Variants in SEC63 observed in about 807,000 individuals in gnomAD.
The protein encoded by SEC63 is SEC63 protein translocation regulator, also known as translocation protein SEC63 homolog.
Under a neutral mutation model 116.2 loss-of-function variants are expected in SEC63, and 56 were observed. That is an observed-to-expected ratio of 0.48 (90% confidence interval 0.39 to 0.60). SEC63 has a LOEUF of 0.60. Among genes scored for constraint, SEC63 ranks in the 20% least tolerant of loss-of-function variants. SEC63 has a pLI of 0.00. For missense variants in SEC63, 668 were observed against 900.0 expected, an observed-to-expected ratio of 0.74 and a Z score of 3.30; for synonymous variants, 273 against 294.6, an observed-to-expected ratio of 0.93 and a Z score of 0.75.
At chr6:107,926,306 T>C (rs1787672983) in intron 2 of SEC63, among the ~76,000 whole-genome samples, 1 of 152,208 alleles carries the variant, frequency 6.6e-6, no homozygotes, top group Admixed American at 6.5e-5. Context: ...TTTCTTATAC[T>C]GAATGACTTT....
At chr6:107,912,353 T>C (rs752141471) in intron 6 of SEC63, among the ~76,000 whole-genome samples, 4 of 152,192 alleles carry the variant, frequency 2.6e-5, no homozygotes, top group African/African-American at 9.7e-5. Flanking sequence ...GGCAGGCAGA[T>C]AACTTGAGGT....
rs2114384402 is a variant in SEC63, at chr6:107,870,967, A to G, written c.*737T>C. ...ATAAGCCACCAGTATCAGAAAACAT[A>G]CAGTCCCACTATCACTTTTAGAGCT... On this transcript the variant is annotated 3_prime_UTR_variant, in exon 21 of 21. Coordinates refer to ENST00000369002, the MANE Select transcript of SEC63 (RefSeq NM_007214.5). 6.5e-6 allele frequency: 1 copy of G among 152,758 alleles called. No individual in the cohort carries two copies. Among genetic ancestry groups the G allele is most frequent in the Middle Eastern group, 3.4e-3 (1 of 294 alleles). The allele number at this position is 152,758 out of a possible 1,614,324, so 9.5% of individuals were successfully genotyped here.
At chr6:107,913,732 T>C (rs1787337938) in intron 4 of SEC63, among the ~76,000 whole-genome samples, 1 of 152,230 alleles carries the variant, frequency 6.6e-6, no homozygotes, top group African/African-American at 2.4e-5. Flanking sequence ...TAAAGGCAAC[T>C]ACATTTTCTA....
At chr6:107,887,624 G>C (rs1786564585) in intron 16 of SEC63, among the ~76,000 whole-genome samples, 1 of 152,022 alleles carries the variant, frequency 6.6e-6, no homozygotes, top group East Asian at 1.9e-4. Flanking sequence ...GGGAGGGATA[G>C]CATTGGGAAA....
At position 107,958,206 on chromosome 6, in the gene SEC63, G is replaced by T; in HGVS notation, c.-197C>A. The T allele has an allele frequency of 2.7e-6, 2 of 751,428 alleles. No individual in the cohort carries two copies. Among genetic ancestry groups the T allele is most frequent in the Non-Finnish European group, 4.4e-6 (2 of 458,224 alleles). The allele number at this position is 751,428 out of a possible 1,614,324, so 46.5% of individuals were successfully genotyped here. A position where few individuals can be genotyped will look rare whatever the true frequency, so the allele number is the denominator to read the frequency against. On this transcript the variant is annotated 5_prime_UTR_variant, in exon 1 of 21. Transcript: ENST00000369002. ...CCGCCGCCGTCGCCAGCTCTCGCGAGAGGAGATAGTTCCCGCCCCGCTCAG... is the reference window on the plus strand; with the variant it reads ...CCGCCGCCGTCGCCAGCTCTCGCGATAGGAGATAGTTCCCGCCCCGCTCAG...
At chr6:107,928,121 C>T (rs1787717773) in intron 2 of SEC63, among the ~76,000 whole-genome samples, 1 of 151,886 alleles carries the variant, frequency 6.6e-6, no homozygotes, top group African/African-American at 2.4e-5. Flanking sequence ...ACTAACTTTG[C>T]CTTTAGTTTC....
chr6:107,917,034 C>T (rs771972054), intron 4 of SEC63, among the ~76,000 whole-genome samples: 10 of 152,126 alleles, frequency 6.6e-5, no homozygotes, highest in African/African-American at 1.7e-4. Context: ...CCCTAACACA[C>T]GCGCTGGAAG....
At chr6:107,921,558 G>A (rs1052478719) in intron 4 of SEC63, among the ~76,000 whole-genome samples, 2 of 150,992 alleles carry the variant, frequency 1.3e-5, no homozygotes, top group African/African-American at 2.4e-5. Flanking sequence ...CTCAAACAAC[G>A]CTCCCACCTC....
chr6:107,906,851 T>G (rs1304599689), intron 8 of SEC63, 74 bp from the exon 9 acceptor site: 2 of 1,155,870 alleles, frequency 1.7e-6, no homozygotes, highest in Admixed American at 3.4e-5. Flanking sequence ...GATACTTAAT[T>G]CACTTGAAAG....
At chr6:107,940,259 C>T (rs2300608) in intron 1 of SEC63, among the ~76,000 whole-genome samples, 3,101 of 151,976 alleles carry the variant, frequency 0.02, 131 homozygotes, top group East Asian at 0.16. Context: ...AATGCCTGAA[C>T]AATCTAAGTG....
At chr6:107,942,082 C>T (rs1770389117) in intron 1 of SEC63, among the ~76,000 whole-genome samples, 1 of 152,106 alleles carries the variant, frequency 6.6e-6, no homozygotes, top group Admixed American at 6.5e-5. Flanking sequence ...AATAAAGGTA[C>T]CACAATATAC....
intron 4 of SEC63, among the ~76,000 whole-genome samples, chr6:107,921,047 T>C (rs903429789): frequency 6.6e-6 from 1 of 152,236 alleles, no homozygotes; most frequent in Non-Finnish European, 1.5e-5. Context: ...GTACAGTTGT[T>C]ATTAACTAAG....
intron 11 of SEC63, among the ~76,000 whole-genome samples, chr6:107,904,352 G>A (rs955546591): frequency 2.6e-5 from 4 of 151,134 alleles, no homozygotes; most frequent in Non-Finnish European, 4.4e-5. Context: ...AGAGGTTGCA[G>A]AGAGCCAAGA....
chr6:107,889,295 C>T (rs984750259), intron 16 of SEC63, among the ~76,000 whole-genome samples: 20 of 152,156 alleles, frequency 1.3e-4, no homozygotes, highest in Middle Eastern at 3.4e-3. Context: ...GTCAGGGATT[C>T]GACTTCTTAA....
At chr6:107,906,236 C>A (rs1164392308) in intron 10 of SEC63, among the ~76,000 whole-genome samples, 1 of 152,190 alleles carries the variant, frequency 6.6e-6, no homozygotes, top group East Asian at 1.9e-4. Flanking sequence ...TGCCTTCTGC[C>A]ATGAATAAAA....
chr6:107,949,170 AATGTATAAAGAT>A (rs1427971316), intron 1 of SEC63, among the ~76,000 whole-genome samples: 2 of 152,264 alleles, frequency 1.3e-5, no homozygotes, highest in East Asian at 3.8e-4. Context: ...TGGGGCACAC[AATGTATAAAGAT>A]GTAATTAGGG....
chr6:107,886,842 T>G (rs868384222), intron 16 of SEC63, among the ~76,000 whole-genome samples: 113 of 145,604 alleles, frequency 7.8e-4, no homozygotes, highest in Middle Eastern at 3.5e-3. Flanking sequence ...TTTGTTTTTT[T>G]GGGTTTTTTT....
In SEC63 at chr6:107,868,170, A is replaced by C. The variant is rs1349775013; in HGVS notation, c.*3534T>G. 1 of 152,052 alleles carries C rather than the reference A, an allele frequency of 6.6e-6. No individual in the cohort carries two copies. The highest frequency in any genetic ancestry group is 1.5e-5 in the Non-Finnish European group (1 of 68,010). The allele number at this position is 152,052 out of a possible 1,614,324, so 9.4% of individuals were successfully genotyped here. On this transcript the variant is annotated 3_prime_UTR_variant, in exon 21 of 21. Transcript: ENST00000369002. ...CAGTTATTTCACTTTAAGGCAGTCTAAATAGAGGATTTCATGGAGTTAAAT... is the reference window on the plus strand; with the variant it reads ...CAGTTATTTCACTTTAAGGCAGTCTCAATAGAGGATTTCATGGAGTTAAAT...
At chr6:107,918,780 GGTAAA>G (rs1232583038) in intron 4 of SEC63, among the ~76,000 whole-genome samples, 6 of 151,926 alleles carry the variant, frequency 3.9e-5, no homozygotes, top group South Asian at 4.2e-4. Context: ...GATGGATCTG[GGTAAA>G]GTAAATTGAA....
Sources: allele counts gnomAD v4.1 joint callset (sites outside exome capture counted in the v4.1 genomes callset), GRCh38; gene constraint gnomAD v4.1.1; transcripts MANE v1.5; gene names NCBI Gene and HGNC (gene_info 2026-07-23, HGNC 2026-07-21).